The following DNAJB14 variants were observed in gnomAD, a reference collection of about 807,000 sequenced individuals.
The protein encoded by DNAJB14 is DnaJ heat shock protein family (Hsp40) member B14, also known as dnaJ homolog subfamily B member 14.
DNAJB14 carries 22 observed loss-of-function variants against 48.4 expected under a neutral mutation model. The observed-to-expected ratio is 0.45, with a 90% CI of 0.32 to 0.65. The LOEUF (loss-of-function observed/expected upper bound fraction) is 0.65, where lower values mean the gene tolerates loss of function less well. Among genes scored for constraint, DNAJB14 ranks in the 30% least tolerant of loss-of-function variants. The probability of loss-of-function intolerance (pLI) is 0.03; values close to 1 mark genes in which losing one functional copy is unlikely to be tolerated. For synonymous variants in DNAJB14, 142 were observed against 158.7 expected (o/e 0.89, Z 0.79); for missense variants, 319 against 458.8 (o/e 0.70, Z 2.78).
intron 1 of DNAJB14, among the ~76,000 whole-genome samples, chr4:99,935,903 A>G (rs1410704072): frequency 6.6e-6 from 1 of 152,118 alleles, no homozygotes; most frequent in Non-Finnish European, 1.5e-5. Flanking sequence ...CCTCGTCTCT[A>G]CTAAAAATAC....
At chr4:99,935,798 T>C (rs1249224105) in intron 1 of DNAJB14, among the ~76,000 whole-genome samples, 1 of 152,198 alleles carries the variant, frequency 6.6e-6, no homozygotes, top group Non-Finnish European at 1.5e-5. Context: ...CCAGGTGCGG[T>C]GGCTCACGCC....
chr4:99,932,660 C>T (rs1211636225), intron 1 of DNAJB14, among the ~76,000 whole-genome samples: 1 of 151,900 alleles, frequency 6.6e-6, no homozygotes, highest in African/African-American at 2.4e-5. Context: ...AGTACATATC[C>T]AAGAGAAATG....
At position 99,930,640 on chromosome 4, in the gene DNAJB14, C is replaced by A. The variant is rs190562265; in HGVS notation, c.134-19G>T. 1.4e-4 allele frequency: 220 copies of A among 1,597,608 alleles called. No homozygotes were observed. The African/African-American group carries it at 2.6e-3, about 19-fold the overall frequency. ...AATAGTGCTGTAGAAAGATAAAGTA[C>A]ACTATGCCTGTTTACATCAACGTAC... On this transcript the variant is annotated intron_variant, in intron 1 of 7. Coordinates refer to ENST00000442697, the MANE Select transcript of DNAJB14 (RefSeq NM_001031723.4).
At chr4:99,923,319 C>T (rs1726128537) in intron 2 of DNAJB14, 134 bp from the exon 3 acceptor site, 1 of 836,556 alleles carries the variant, frequency 1.2e-6, no homozygotes, top group South Asian at 2.5e-5. Flanking sequence ...AAGGCTTATC[C>T]CTTTAAGGAT....
intron 2 of DNAJB14, among the ~76,000 whole-genome samples, chr4:99,923,491 G>A (rs1028262370): frequency 1.3e-5 from 2 of 152,072 alleles, no homozygotes; most frequent in African/African-American, 4.8e-5. Flanking sequence ...AGCATATATT[G>A]TAACTAAAAT....
rs200452972 is a variant in DNAJB14, at chr4:99,946,455, T to C, written c.117A>G (p.Pro39=). 383 of 1,612,832 alleles carry C rather than the reference T, an allele frequency of 2.4e-4. 1 individual carries two copies. The highest frequency in any genetic ancestry group is 3.0e-4 in the Non-Finnish European group (350 of 1,179,460). Residue 39 remains proline, a synonymous_variant, in exon 1 of 8, where the codon CCA becomes CCG. Transcript: ENST00000442697. The part of the protein sequence containing the change: ...RFLQKAEKLY[P]LPSARALLEI... ...AGGTCTCACCGCGGGCCGAGGGCAG[T>C]GGGTAGAGCTTCTCGGCCTTCTGCA...
chr4:99,922,874 C>G, intron 3 of DNAJB14, 166 bp downstream of exon 3: 1 of 697,362 alleles, frequency 1.4e-6, no homozygotes, highest in Admixed American at 3.6e-5. Context: ...ATTTGTTTGC[C>G]TTCGGGTATA....
At chr4:99,941,855 G>A (rs1726900793) in intron 1 of DNAJB14, among the ~76,000 whole-genome samples, 3 of 151,994 alleles carry the variant, frequency 2.0e-5, no homozygotes, top group Non-Finnish European at 4.4e-5. Context: ...GAAATAATTT[G>A]GCTACTAGCT....
At position 99,901,073 on chromosome 4, in the gene DNAJB14, G is replaced by A. The variant is rs1432726809; in HGVS notation, c.1095C>T (p.Asn365=). The A allele has an allele frequency of 2.5e-6, 4 of 1,610,642 alleles. No individual in the cohort carries two copies. In the African/African-American group the frequency reaches 5.4e-5, roughly 22 times the overall value. Residue 365 remains asparagine, a synonymous_variant, in exon 8 of 8, where the codon AAC becomes AAT. Coordinates refer to ENST00000442697, the MANE Select transcript of DNAJB14 (RefSeq NM_001031723.4). ...TGGTAAGCCGCTCTAATTCTTTACA[G>A]TTGTCCATGCTCAAGGCATCTGCCT... is the stretch of plus-strand genomic sequence containing the variant. ...RRKADALSMD[N]CKELERLTSL... is the part of the protein sequence containing the mutation.
chr4:99,917,796 T>C (rs1169228866), intron 3 of DNAJB14, among the ~76,000 whole-genome samples: 1 of 152,176 alleles, frequency 6.6e-6, no homozygotes, highest in African/African-American at 2.4e-5. Context: ...ACTTGAAAAA[T>C]GTGCCACTTC....
intron 5 of DNAJB14, 188 bp from the exon 6 acceptor site, chr4:99,905,894 C>G: frequency 7.7e-7 from 1 of 1,306,912 alleles, no homozygotes; most frequent in South Asian, 1.6e-5. Flanking sequence ...CCAGGAGATT[C>G]TGATTTGAAA....
In DNAJB14 at chr4:99,908,695, A is replaced by G; in HGVS notation, c.637+16T>C. ...TAGCTTCATAAAATATAATATCTAT[A>G]ATTACATTAAAATACCTGAAGGAAA... On this transcript the variant is annotated intron_variant, in intron 4 of 7. Transcript: ENST00000442697. 6.5e-7 allele frequency: 1 copy of G among 1,546,746 alleles called. No individual in the cohort carries two copies. The highest frequency in any genetic ancestry group is 8.8e-7 in the Non-Finnish European group (1 of 1,142,750).
intron 1 of DNAJB14, 77 bp from the exon 2 acceptor site, chr4:99,930,698 C>G: frequency 1.4e-6 from 2 of 1,445,140 alleles, no homozygotes; most frequent in Non-Finnish European, 1.8e-6. Flanking sequence ...AGTTTTAAAG[C>G]AGACAAATTA....
At chr4:99,911,621 C>T (rs1725663279) in intron 3 of DNAJB14, among the ~76,000 whole-genome samples, 1 of 152,146 alleles carries the variant, frequency 6.6e-6, no homozygotes, top group African/African-American at 2.4e-5. Context: ...TTTTACTTTG[C>T]ATTTCTCTAA....
intron 3 of DNAJB14, among the ~76,000 whole-genome samples, chr4:99,917,258 T>C (rs1360143677): frequency 6.6e-6 from 1 of 152,244 alleles, no homozygotes. Context: ...AGCAAAAGTA[T>C]ATTGTATTTA....
At chr4:99,908,433 A>G (rs892987192) in intron 4 of DNAJB14, among the ~76,000 whole-genome samples, 3 of 152,290 alleles carry the variant, frequency 2.0e-5, no homozygotes, top group East Asian at 1.9e-4. Flanking sequence ...AGACATTGCC[A>G]TTACATTTCC....
chr4:99,904,820 G>A (rs1176435184), intron 6 of DNAJB14, among the ~76,000 whole-genome samples: 2 of 150,114 alleles, frequency 1.3e-5, no homozygotes, highest in South Asian at 2.1e-4. Flanking sequence ...ATTTATTTAC[G>A]TTATCTCAAA....
chr4:99,946,293 A>T, intron 1 of DNAJB14, 146 bp downstream of exon 1: 3 of 1,269,422 alleles, frequency 2.4e-6, no homozygotes, highest in Non-Finnish European at 3.3e-6. Flanking sequence ...GTGTGTCGGG[A>T]TGCTCCCCAC....
At chr4:99,930,325 A>G in intron 2 of DNAJB14, 125 bp downstream of exon 2, 2 of 928,912 alleles carry the variant, frequency 2.2e-6, no homozygotes, top group Non-Finnish European at 3.1e-6. Context: ...CATAAGACAC[A>G]CCCAGAGTTC....
Sources: allele counts gnomAD v4.1 joint callset (sites outside exome capture counted in the v4.1 genomes callset), GRCh38; gene constraint gnomAD v4.1.1; transcripts MANE v1.5; gene names NCBI Gene and HGNC (gene_info 2026-07-23, HGNC 2026-07-21).